The following OXR1 variants were observed in gnomAD, a reference collection of about 807,000 sequenced individuals.
OXR1 encodes the protein oxidation resistance protein 1.
OXR1 carries 41 observed loss-of-function variants against 104.6 expected under a neutral mutation model. The ratio of observed to expected loss-of-function variants is 0.39; its 90% CI spans 0.31 to 0.51. The LOEUF (loss-of-function observed/expected upper bound fraction) is 0.51. Ranked by LOEUF, OXR1 falls within the 20% of genes least tolerant of loss-of-function variation. The pLI is 0.77. For synonymous variants in OXR1, 348 were observed against 348.4 expected, an observed-to-expected ratio of 1.00 and a Z score of 0.01; for missense variants, 955 against 1,031.9, an observed-to-expected ratio of 0.93 and a Z score of 1.02.
intron 11 of OXR1, chr8:106,726,253 C>T (rs749120375): frequency 6.5e-7 from 1 of 1,528,378 alleles, no homozygotes; most frequent in South Asian, 1.2e-5. Flanking sequence ...AATGTCTCGT[C>T]TCTGGTATGG....
At chr8:106,691,975 G>A (rs1306621403) in intron 6 of OXR1, among the ~76,000 whole-genome samples, 2 of 142,546 alleles carry the variant, frequency 1.4e-5, no homozygotes, top group East Asian at 2.1e-4. Context: ...GTGTGTGTGT[G>A]TCTATATATA....
chr8:106,723,982 T>G (rs1436695506), intron 11 of OXR1, among the ~76,000 whole-genome samples: 1 of 151,744 alleles, frequency 6.6e-6, no homozygotes, highest in Non-Finnish European at 1.5e-5. Flanking sequence ...GATAGAGTCT[T>G]GCTGTGTTGC....
chr8:106,576,976 T>C lies in OXR1; in HGVS notation c.220+57837T>C, dbSNP rs188972844. Among the ~76,000 whole-genome samples, 658 of 152,306 alleles carry C rather than the reference T, an allele frequency of 4.3e-3. 2 individuals carry two copies. Among genetic ancestry groups the C allele is most frequent in the Non-Finnish European group, 6.8e-3 (461 of 68,010 alleles). On this transcript the variant is annotated intron_variant, in intron 3 of 16. Transcript: ENST00000517566. ...CTCTTAATTCGAACTTTTTTGTTTC[T>C]ATTTTGTAGGAGTAACTTTCAACTA...
At chr8:106,436,306 T>C (rs1217814849) in intron 2 of OXR1, among the ~76,000 whole-genome samples, 1 of 152,130 alleles carries the variant, frequency 6.6e-6, no homozygotes, top group Non-Finnish European at 1.5e-5. Flanking sequence ...TAAGAAGTTA[T>C]GTAATCTCAT....
At chr8:106,615,417 G>A (rs1482964567) in intron 3 of OXR1, among the ~76,000 whole-genome samples, 1 of 151,634 alleles carries the variant, frequency 6.6e-6, no homozygotes, top group Non-Finnish European at 1.5e-5. Flanking sequence ...GGGCAACAGA[G>A]TAAGACTCCG....
intron 3 of OXR1, among the ~76,000 whole-genome samples, chr8:106,541,270 G>A (rs1179733847): frequency 6.6e-6 from 1 of 152,050 alleles, no homozygotes; most frequent in East Asian, 1.9e-4. Flanking sequence ...CATAGTAAGT[G>A]GTAAATAAAT....
At chr8:106,344,932 T>A (rs1043760673) in intron 1 of OXR1, among the ~76,000 whole-genome samples, 7 of 152,190 alleles carry the variant, frequency 4.6e-5, no homozygotes, top group African/African-American at 1.4e-4. Flanking sequence ...TCTCAAAAGT[T>A]GTGTCAAGTG....
In OXR1 at chr8:106,357,177, C is replaced by T. The variant is rs1816006300; in HGVS notation, c.-138-2299C>T. Among the ~76,000 whole-genome samples, 3 of 150,604 alleles carry T rather than the reference C, an allele frequency of 2.0e-5. No homozygotes were observed. In the South Asian group the frequency reaches 6.3e-4, roughly 31 times the overall value. ...ATCTAGAAGAATGAATTGCATCAGACAATATTCCATATATATGTGTATATA... is the reference window on the plus strand; with the variant it reads ...ATCTAGAAGAATGAATTGCATCAGATAATATTCCATATATATGTGTATATA... On this transcript the variant is annotated intron_variant, in intron 1 of 16. Transcript: ENST00000517566.
intron 3 of OXR1, among the ~76,000 whole-genome samples, chr8:106,595,683 G>A (rs1045866885): frequency 1.3e-5 from 2 of 152,122 alleles, no homozygotes; most frequent in African/African-American, 4.8e-5. Flanking sequence ...TACCAGCATG[G>A]AATAATGCTG....
intron 11 of OXR1, among the ~76,000 whole-genome samples, chr8:106,734,935 C>T (rs1587285290): frequency 6.6e-6 from 1 of 152,058 alleles, no homozygotes; most frequent in Non-Finnish European, 1.5e-5. Flanking sequence ...ATTGGAAGGT[C>T]TTGGTTTTCT....
At chr8:106,340,249 A>G (rs1187419879) in intron 1 of OXR1, among the ~76,000 whole-genome samples, 2 of 152,146 alleles carry the variant, frequency 1.3e-5, no homozygotes, top group East Asian at 1.9e-4. Flanking sequence ...TCTGACTTGA[A>G]TGGATCATAA....
intron 1 of OXR1, among the ~76,000 whole-genome samples, chr8:106,304,989 A>G (rs1361170381): frequency 6.6e-6 from 1 of 152,156 alleles, no homozygotes; most frequent in Non-Finnish European, 1.5e-5. Context: ...AAATATTTAT[A>G]TCAAAATTAC....
intron 3 of OXR1, among the ~76,000 whole-genome samples, chr8:106,653,028 A>G (rs1014498545): frequency 1.3e-5 from 2 of 150,444 alleles, no homozygotes; most frequent in African/African-American, 4.9e-5. Context: ...ACAAATTCCT[A>G]GAAAGACAAA....
At chr8:106,361,375 G>A (rs540709925) in intron 2 of OXR1, among the ~76,000 whole-genome samples, 62 of 152,160 alleles carry the variant, frequency 4.1e-4, no homozygotes, top group African/African-American at 1.4e-3. Context: ...CACTATCCTC[G>A]ATTCTAGCTA....
At chr8:106,722,877 G>A (rs1039686375) in intron 11 of OXR1, among the ~76,000 whole-genome samples, 1 of 152,068 alleles carries the variant, frequency 6.6e-6, no homozygotes, top group African/African-American at 2.4e-5. Context: ...GACTGTTTAT[G>A]TTTTCTTTTA....
chr8:106,465,512 A>G (rs924426795), intron 2 of OXR1, among the ~76,000 whole-genome samples: 2 of 152,008 alleles, frequency 1.3e-5, no homozygotes, highest in Admixed American at 6.6e-5. Flanking sequence ...CAGTTTTAAG[A>G]GTAGACTAAG....
At chr8:106,681,648 C>T (rs1828163693) in intron 4 of OXR1, among the ~76,000 whole-genome samples, 1 of 152,096 alleles carries the variant, frequency 6.6e-6, no homozygotes, top group South Asian at 2.1e-4. Flanking sequence ...CCTCAGCTTC[C>T]TGAGTAGCTG....
rs572463932 is a variant in OXR1 at position 106,627,148 on chromosome 8, A to G, written c.221-52062A>G. On this transcript the variant is annotated intron_variant, in intron 3 of 16. Transcript: ENST00000517566. Reference sequence around the variant, plus strand: ...CGTAAAGGGAAGAATTCAGGATAGAATAGTGATATTTCAAAAGAAAACTTG... The same window carrying G: ...CGTAAAGGGAAGAATTCAGGATAGAGTAGTGATATTTCAAAAGAAAACTTG... 4.4e-4 allele frequency among the ~76,000 whole-genome samples: 67 copies of G among 152,312 alleles called. 2 individuals are homozygous for G. In the South Asian group the frequency reaches 7.5e-3, roughly 17 times the overall value.
At chr8:106,610,445 C>G (rs571479483) in intron 3 of OXR1, among the ~76,000 whole-genome samples, 4 of 152,346 alleles carry the variant, frequency 2.6e-5, no homozygotes, top group African/African-American at 7.2e-5. Flanking sequence ...AAGTATCTCT[C>G]TGTTACCCTC....
Sources: allele counts gnomAD v4.1 joint callset (sites outside exome capture counted in the v4.1 genomes callset), GRCh38; gene constraint gnomAD v4.1.1; transcripts MANE v1.5; gene names NCBI Gene and HGNC (gene_info 2026-07-23, HGNC 2026-07-21).